NPEPPS: variants seen among roughly 807,000 people sequenced by gnomAD.
The protein encoded by NPEPPS is puromycin-sensitive aminopeptidase.
A neutral mutation model predicts 115.5 loss-of-function variants in NPEPPS; 14 were observed. The observed-to-expected ratio is 0.12, with a 90% CI of 0.08 to 0.19. The LOEUF (loss-of-function observed/expected upper bound fraction) is 0.19. NPEPPS is among the 10% of genes least tolerant of loss of function. NPEPPS has a pLI of 1.00. For synonymous variants in NPEPPS, 285 were observed against 390.6 expected (o/e 0.73, Z 3.19); for missense variants, 523 against 1,110.8 (o/e 0.47, Z 7.52).
At chr17:47,605,085 T>C (rs1425681044) in intron 16 of NPEPPS, among the ~76,000 whole-genome samples, 1 of 152,198 alleles carries the variant, frequency 6.6e-6, no homozygotes, top group Non-Finnish European at 1.5e-5. Flanking sequence ...TTTTTAAAAG[T>C]AGTTCTTGTA....
chr17:47,542,660 G>A (rs1908852176), intron 1 of NPEPPS, among the ~76,000 whole-genome samples: 2 of 152,100 alleles, frequency 1.3e-5, no homozygotes, highest in South Asian at 4.1e-4. Context: ...CCTTTTAAGG[G>A]GTTGTGCACA....
chr17:47,536,814 T>C (rs144735777), intron 1 of NPEPPS, among the ~76,000 whole-genome samples: 34 of 148,110 alleles, frequency 2.3e-4, no homozygotes, highest in Middle Eastern at 3.6e-3. Context: ...CAGGCTCAAG[T>C]GTTTCTCTTG....
chr17:47,595,521 T>C (rs766365849), intron 12 of NPEPPS, among the ~76,000 whole-genome samples: 1 of 152,222 alleles, frequency 6.6e-6, no homozygotes, highest in Non-Finnish European at 1.5e-5. Context: ...TCTTATAAAT[T>C]AGAATGATTA....
upstream of NPEPPS, among the ~76,000 whole-genome samples, chr17:47,527,759 AAAAC>A (rs932146296): frequency 1.3e-4 from 20 of 151,888 alleles, no homozygotes; most frequent in African/African-American, 4.8e-4. Flanking sequence ...ATAAACAAGA[AAAAC>A]AAAACAAACA....
At chr17:47,620,847 C>CTTTTAATCA in intron 22 of NPEPPS, among the ~76,000 whole-genome samples, 1 of 152,250 alleles carries the variant, frequency 6.6e-6, no homozygotes, top group Non-Finnish European at 1.5e-5. Flanking sequence ...GTTTATTCAA[C>CTTTTAATCA]TTTTAATCAT....
At chr17:47,566,320 T>G (rs1910809531) in intron 2 of NPEPPS, among the ~76,000 whole-genome samples, 3 of 151,994 alleles carry the variant, frequency 2.0e-5, no homozygotes, top group African/African-American at 7.2e-5. Context: ...TAGCCTAGTC[T>G]AATGGATGTG....
Position 47,622,992 on chromosome 17 carries a change from T to TGC in NPEPPS, c.*1073_*1074dup, listed in dbSNP as rs1567877400. The TGC allele has an allele frequency of 4.5e-6, 2 of 442,652 alleles. No homozygotes were observed. Among genetic ancestry groups the TGC allele is most frequent in the Non-Finnish European group, 9.0e-6 (2 of 222,742 alleles). 27.4% of individuals were successfully genotyped at this position (442,652 alleles called of 1,614,324 possible). ...AAAACAAAGACTGTAAGCCTGTGTG[T>TGC]GCCACTGTTTGCTTCAACAGTATAT... On this transcript the variant is annotated 3_prime_UTR_variant, in exon 23 of 23. Coordinates refer to ENST00000322157, the MANE Select transcript of NPEPPS (RefSeq NM_006310.4).
At chr17:47,530,916 G>A (rs1441433977), upstream of NPEPPS, 16 of 150,930 alleles carry the variant, frequency 1.1e-4, no homozygotes, top group Non-Finnish European at 1.5e-4. Flanking sequence ...TTGGAAGGCC[G>A]CCCCCAGTCC....
At chr17:47,575,905 A>G (rs1463049267) in intron 3 of NPEPPS, among the ~76,000 whole-genome samples, 1 of 152,040 alleles carries the variant, frequency 6.6e-6, no homozygotes, top group Non-Finnish European at 1.5e-5. Context: ...ACCACGCCCC[A>G]CCGACAATAT....
chr17:47,592,236 T>C (rs1330916698), intron 11 of NPEPPS, among the ~76,000 whole-genome samples, 176 bp downstream of exon 11: 1 of 152,074 alleles, frequency 6.6e-6, no homozygotes, highest in East Asian at 1.9e-4. Flanking sequence ...CTCTGGTCTC[T>C]TAGATGAGTG....
At position 47,612,456 on chromosome 17, in the gene NPEPPS, T is replaced by C; in HGVS notation, c.2096-4T>C. On this transcript the variant is annotated splice_polypyrimidine_tract_variant and splice_region_variant and intron_variant, in intron 17 of 22. Coordinates refer to ENST00000322157, the MANE Select transcript of NPEPPS (RefSeq NM_006310.4). ...TCTTATGTCTCTTTTACTTCTCAAA[T>C]CAGGTCATCTCGATGCACTCCTGAG... 2 of 1,613,572 alleles carry C rather than the reference T, an allele frequency of 1.2e-6. No homozygotes were observed. Among genetic ancestry groups the C allele is most frequent in the South Asian group, 2.2e-5 (2 of 91,020 alleles).
At chr17:47,536,422 C>T (rs1223573729) in intron 1 of NPEPPS, among the ~76,000 whole-genome samples, 15 of 103,260 alleles carry the variant, frequency 1.5e-4, no homozygotes, top group East Asian at 3.0e-4. Context: ...GATGGAGTTT[C>T]GCTCTTGTTG....
At chr17:47,596,211 G>A (rs956370600) in intron 12 of NPEPPS, 142 bp from the exon 13 acceptor site, 4 of 551,352 alleles carry the variant, frequency 7.3e-6, no homozygotes, top group Admixed American at 3.3e-5. Flanking sequence ...GTGGCAAGGG[G>A]AATGTTAATT....
intron 2 of NPEPPS, among the ~76,000 whole-genome samples, chr17:47,551,406 CT>C (rs1476830769): frequency 6.6e-6 from 1 of 150,484 alleles, no homozygotes; most frequent in Non-Finnish European, 1.5e-5. Context: ...CTTTTTACCC[CT>C]GTAAATACCA....
chr17:47,601,837 G>T, intron 15 of NPEPPS, 90 bp downstream of exon 15: 3 of 1,037,322 alleles, frequency 2.9e-6, no homozygotes, highest in South Asian at 1.8e-5. Flanking sequence ...TAGTTTCAAA[G>T]AAAAAAAAAA....
At chr17:47,619,835 A>G (rs1380939983) in intron 22 of NPEPPS, 51 bp downstream of exon 22, 1 of 1,339,930 alleles carries the variant, frequency 7.5e-7, no homozygotes, top group Admixed American at 1.7e-5. Flanking sequence ...AAGTAAAAAC[A>G]ATAACCTGGT....
At chr17:47,577,678 T>G (rs1231037695) in intron 3 of NPEPPS, among the ~76,000 whole-genome samples, 6 of 152,114 alleles carry the variant, frequency 3.9e-5, no homozygotes, top group Admixed American at 3.9e-4. Flanking sequence ...GTTGAGTTGG[T>G]TTTTTCTCAG....
chr17:47,550,234 A>G (rs1202157590), intron 2 of NPEPPS, among the ~76,000 whole-genome samples: 3 of 151,472 alleles, frequency 2.0e-5, no homozygotes, highest in Non-Finnish European at 4.4e-5. Flanking sequence ...TGCCTAGCCA[A>G]TTGTTACTTC....
intron 2 of NPEPPS, among the ~76,000 whole-genome samples, chr17:47,567,824 G>T (rs1910927334): frequency 1.3e-5 from 2 of 151,932 alleles, no homozygotes; most frequent in African/African-American, 4.8e-5. Flanking sequence ...GTTGTAGCAT[G>T]TGTCAGCTAT....
Sources: gnomAD v4.1 joint callset for allele counts (sites outside exome capture counted in the v4.1 genomes callset) on GRCh38, gnomAD v4.1.1 for gene constraint, MANE v1.5 for transcripts, NCBI Gene and HGNC (gene_info 2026-07-23, HGNC 2026-07-21) for gene names.